Variants in AGO3 observed in about 807,000 individuals in gnomAD.
The protein encoded by AGO3 is protein argonaute-3.
Under a neutral mutation model 105.5 loss-of-function variants are expected in AGO3, and 16 were observed. That is an observed-to-expected ratio of 0.15 (90% CI 0.10 to 0.23). The LOEUF is 0.23. Among genes scored for constraint, AGO3 ranks in the 10% least tolerant of loss-of-function variants. The probability of loss-of-function intolerance (pLI) is 1.00; values close to 1 mark genes in which losing one functional copy is unlikely to be tolerated. For synonymous variants in AGO3, 340 were observed against 367.3 expected (o/e 0.93, Z 0.85); for missense variants, 534 against 1,088.0 (o/e 0.49, Z 7.16).
chr1:35,956,637 GT>G (rs1038922061), intron 2 of AGO3, among the ~76,000 whole-genome samples: 110 of 137,622 alleles, frequency 8.0e-4, no homozygotes, highest in South Asian at 4.7e-3. Flanking sequence ...TTCTTTTTTT[GT>G]TTTTTTTTTT....
chr1:35,982,790 G>GAA, intron 5 of AGO3: 115 of 498,688 alleles, frequency 2.3e-4, no homozygotes, highest in South Asian at 4.0e-4. Context: ...ACCATGTCCA[G>GAA]AAAAAAAAAA....
intron 13 of AGO3, 145 bp from the exon 14 acceptor site, chr1:36,036,032 C>CAAA (rs11312730): frequency 1.5e-4 from 54 of 351,610 alleles, no homozygotes; most frequent in South Asian, 2.8e-4. Context: ...GACTCCGTCT[C>CAAA]AAAAAAAAAA....
chr1:36,047,246 A>G (rs1488535757), intron 17 of AGO3, among the ~76,000 whole-genome samples: 4 of 152,164 alleles, frequency 2.6e-5, no homozygotes, highest in African/African-American at 9.7e-5. Context: ...TCTGCCTAAA[A>G]AAAAGATCGG....
intron 11 of AGO3, among the ~76,000 whole-genome samples, chr1:36,015,513 C>G (rs1640859950): frequency 6.6e-6 from 1 of 152,218 alleles, no homozygotes; most frequent in African/African-American, 2.4e-5. Flanking sequence ...AGTCCCAGCC[C>G]TCTAATCCTG....
chr1:36,024,745 G>T (rs1541986), intron 11 of AGO3, among the ~76,000 whole-genome samples: 1 of 152,012 alleles, frequency 6.6e-6, no homozygotes, highest in East Asian at 1.9e-4. Context: ...GTGCAATGGC[G>T]TGATCTCGGC....
intron 2 of AGO3, among the ~76,000 whole-genome samples, chr1:35,950,775 C>G (rs1472614854): frequency 1.1e-4 from 16 of 151,966 alleles, no homozygotes; most frequent in Admixed American, 1.0e-3. Flanking sequence ...GCTAGTTTGT[C>G]CAACCTCTAA....
upstream of AGO3, chr1:35,930,981 C>T (rs985041824): frequency 8.9e-6 from 3 of 335,358 alleles, no homozygotes; most frequent in Admixed American, 4.9e-5. Context: ...CCGGCGTCCT[C>T]CGCGCCGGCC....
At chr1:35,950,932 G>T (rs973550082) in intron 2 of AGO3, among the ~76,000 whole-genome samples, 2 of 152,128 alleles carry the variant, frequency 1.3e-5, no homozygotes, top group African/African-American at 4.8e-5. Context: ...TCTTAAAATA[G>T]TAGTAGATTG....
chr1:36,034,756 C>T (rs986063868), intron 13 of AGO3, among the ~76,000 whole-genome samples: 1 of 152,226 alleles, frequency 6.6e-6, no homozygotes, highest in Non-Finnish European at 1.5e-5. Context: ...TAATCATCTT[C>T]AACCTGGTTT....
At chr1:35,987,499 A>G (rs1647238863) in intron 5 of AGO3, among the ~76,000 whole-genome samples, 4 of 151,858 alleles carry the variant, frequency 2.6e-5, no homozygotes, top group African/African-American at 9.7e-5. Context: ...TTTCAAAAAA[A>G]AAGCAAAAGG....
Position 35,938,494 on chromosome 1 carries a change from C to T in AGO3, c.19+7049C>T, listed in dbSNP as rs544772068. Among the ~76,000 whole-genome samples, 181 of 152,234 alleles carry T rather than the reference C, an allele frequency of 1.2e-3. 1 individual carries two copies. The highest frequency in any genetic ancestry group is 2.1e-3 in the Admixed American group (32 of 15,272). ...ACGAATTGTTTCTAACCTTCTTTTT[C>T]CACTTAGTAATGTGTCGTAAGTATC... On this transcript the variant is annotated intron_variant, in intron 1 of 18. Coordinates refer to ENST00000373191, the MANE Select transcript of AGO3 (RefSeq NM_024852.4).
chr1:36,037,381 C>G (rs535560721), intron 14 of AGO3, among the ~76,000 whole-genome samples: 2 of 151,960 alleles, frequency 1.3e-5, no homozygotes, highest in Non-Finnish European at 2.9e-5. Flanking sequence ...ATTAGCCTGT[C>G]GTGGTGGTGG....
chr1:35,953,242 A>T (rs1270354046), intron 2 of AGO3, among the ~76,000 whole-genome samples: 1 of 152,142 alleles, frequency 6.6e-6, no homozygotes, highest in African/African-American at 2.4e-5. Flanking sequence ...CAGCCTGAGC[A>T]ATGTAGCAAG....
At chr1:35,961,405 G>A (rs1261478277) in intron 2 of AGO3, among the ~76,000 whole-genome samples, 1 of 152,132 alleles carries the variant, frequency 6.6e-6, no homozygotes, top group Non-Finnish European at 1.5e-5. Flanking sequence ...ATAAGGTAGT[G>A]TAATTTACTT....
chr1:35,979,058 T>G (rs1299539873), intron 5 of AGO3, among the ~76,000 whole-genome samples: 2 of 152,110 alleles, frequency 1.3e-5, no homozygotes, highest in African/African-American at 4.8e-5. Flanking sequence ...CTAGTTTCAT[T>G]GTGTTGTTAA....
At chr1:36,018,280 T>TC (rs1401571915) in intron 11 of AGO3, among the ~76,000 whole-genome samples, 1 of 148,978 alleles carries the variant, frequency 6.7e-6, no homozygotes, top group Non-Finnish European at 1.5e-5. Flanking sequence ...CCGACAATTT[T>TC]CTCTTTAAAT....
chr1:36,072,488 C>CT lies in AGO3; in HGVS notation c.*16746dup. 6.6e-6 allele frequency: 1 copy of CT among 152,284 alleles called. No homozygotes were observed. The highest frequency in any genetic ancestry group is 1.5e-5 in the Non-Finnish European group (1 of 68,018). 9.4% of individuals were successfully genotyped at this position (152,284 alleles called of 1,614,324 possible). ...CTAATAACTGCAATAAAAAGAAAAG[C>CT]TTTGCTCTTAAACTTTCTCTTGTGT... On this transcript the variant is annotated 3_prime_UTR_variant, in exon 19 of 19. Coordinates refer to ENST00000373191, the MANE Select transcript of AGO3 (RefSeq NM_024852.4).
chr1:35,932,465 G>T (rs1209762634), intron 1 of AGO3, among the ~76,000 whole-genome samples: 1 of 151,904 alleles, frequency 6.6e-6, no homozygotes, highest in African/African-American at 2.4e-5. Context: ...GTGACATAAC[G>T]ATAGCTAAGA....
chr1:36,020,584 G>A (rs1394878166), intron 11 of AGO3, among the ~76,000 whole-genome samples: 2 of 152,024 alleles, frequency 1.3e-5, no homozygotes, highest in Admixed American at 1.3e-4. Context: ...TGCTTGTGAA[G>A]TTATTTTTAA....
Sources: allele counts gnomAD v4.1 joint callset (sites outside exome capture counted in the v4.1 genomes callset), GRCh38; gene constraint gnomAD v4.1.1; transcripts MANE v1.5; gene names NCBI Gene and HGNC (gene_info 2026-07-23, HGNC 2026-07-21).